The following TBX15 variants were observed in gnomAD, a reference collection of about 807,000 sequenced individuals.
The protein encoded by TBX15 is T-box transcription factor TBX15.
TBX15 carries 18 observed loss-of-function variants against 53.9 expected under a neutral mutation model. That is an observed-to-expected ratio of 0.33 (90% CI 0.23 to 0.49). The LOEUF (loss-of-function observed/expected upper bound fraction) is 0.49. TBX15 is among the 20% of genes least tolerant of loss of function. The pLI, the probability that TBX15 is intolerant of heterozygous loss-of-function variation, is 0.98. For synonymous variants in TBX15, 295 were observed against 278.0 expected, an observed-to-expected ratio of 1.06 and a Z score of -0.61; for missense variants, 692 against 749.5, an observed-to-expected ratio of 0.92 and a Z score of 0.90.
intron 1 of TBX15, among the ~76,000 whole-genome samples, chr1:118,969,545 T>C (rs1657164316): frequency 6.6e-6 from 1 of 152,188 alleles, no homozygotes. Flanking sequence ...CAGATCTTGG[T>C]GAGTCATCTT....
intron 1 of TBX15, among the ~76,000 whole-genome samples, chr1:118,977,366 G>A (rs750001893): frequency 1.6e-4 from 25 of 151,946 alleles, no homozygotes; most frequent in African/African-American, 5.6e-4. Context: ...GTTTCTTATC[G>A]TTGTTCTTAT....
Position 118,988,032 on chromosome 1 carries a change from C to G in TBX15, c.-237G>C. The G allele has an allele frequency of 1.7e-6, 1 of 591,912 alleles. No homozygotes were observed. The highest frequency in any genetic ancestry group is 4.6e-4 in the Middle Eastern group (1 of 2,178). The allele number at this position is 591,912 out of a possible 1,614,324, so 36.7% of individuals were successfully genotyped here. ...AGCTGCTAGGAACTAGCGCCCCGAG[C>G]GCCGCCCGCTCGCTGCATGAGCGCC... On this transcript the variant is annotated 5_prime_UTR_variant, in exon 1 of 8. Transcript: ENST00000369429.
At chr1:118,903,343 A>C (rs1382133950) in intron 6 of TBX15, among the ~76,000 whole-genome samples, 2 of 152,176 alleles carry the variant, frequency 1.3e-5, no homozygotes, top group African/African-American at 4.8e-5. Context: ...AGAAAAAAAC[A>C]TCCTTGCAAC....
At chr1:118,924,509 A>ATGCT in intron 4 of TBX15, 137 bp downstream of exon 4, 1 of 1,019,262 alleles carries the variant, frequency 9.8e-7, no homozygotes, top group Non-Finnish European at 1.5e-6. Context: ...AAACACTTTT[A>ATGCT]TGCTTACTTA....
intron 1 of TBX15, among the ~76,000 whole-genome samples, chr1:118,986,737 C>T (rs942795623): frequency 6.6e-6 from 1 of 152,190 alleles, no homozygotes; most frequent in Non-Finnish European, 1.5e-5. Flanking sequence ...CTTCTGAAAC[C>T]GCTAAACCAA....
chr1:118,939,442 A>AAAAC (rs1656090809), intron 1 of TBX15, among the ~76,000 whole-genome samples: 2 of 140,854 alleles, frequency 1.4e-5, no homozygotes, highest in Non-Finnish European at 3.1e-5. Context: ...AAAAACAAAA[A>AAAAC]CAGGAACAGA....
chr1:118,952,195 T>C (rs1656537169), intron 1 of TBX15, among the ~76,000 whole-genome samples: 2 of 152,214 alleles, frequency 1.3e-5, no homozygotes, highest in African/African-American at 4.8e-5. Flanking sequence ...CATTTTCTTC[T>C]CTCTAGCTTA....
intron 7 of TBX15, among the ~76,000 whole-genome samples, chr1:118,889,392 T>G (rs1654059108): frequency 6.6e-6 from 1 of 152,180 alleles, no homozygotes; most frequent in Admixed American, 6.5e-5. Context: ...TTTACAACAC[T>G]TGGCTGACTA....
chr1:118,911,184 C>A (rs1427316734), intron 6 of TBX15, among the ~76,000 whole-genome samples: 5 of 151,484 alleles, frequency 3.3e-5, no homozygotes, highest in Admixed American at 1.3e-4. Context: ...AACTGCCTAA[C>A]CTCTCTGAGC....
intron 1 of TBX15, among the ~76,000 whole-genome samples, chr1:118,983,321 A>G (rs1657705893): frequency 6.6e-6 from 1 of 152,166 alleles, no homozygotes; most frequent in Non-Finnish European, 1.5e-5. Flanking sequence ...TTGGGTGGGA[A>G]CAGGTTACAA....
intron 1 of TBX15, among the ~76,000 whole-genome samples, chr1:118,942,256 A>C (rs549133324): frequency 2.6e-5 from 4 of 152,232 alleles, no homozygotes; most frequent in African/African-American, 9.6e-5. Flanking sequence ...ATGTATTTAG[A>C]GGGCAGCAAT....
intron 1 of TBX15, among the ~76,000 whole-genome samples, chr1:118,935,495 A>G (rs544752776): frequency 6.6e-6 from 1 of 152,322 alleles, no homozygotes; most frequent in African/African-American, 2.4e-5. Context: ...TTTCAACAGA[A>G]GAAGTTTAAG....
At chr1:118,945,313 C>CA (rs1656312972) in intron 1 of TBX15, among the ~76,000 whole-genome samples, 1 of 152,058 alleles carries the variant, frequency 6.6e-6, no homozygotes, top group Non-Finnish European at 1.5e-5. Context: ...ACAGTCCCCC[C>CA]AAAATTGTAA....
intron 1 of TBX15, among the ~76,000 whole-genome samples, chr1:118,964,510 G>A (rs1373978830): frequency 1.3e-5 from 2 of 152,196 alleles, no homozygotes. Context: ...CCCAGCCTAA[G>A]CTCATAACCA....
intron 7 of TBX15, chr1:118,891,089 A>T: frequency 3.1e-6 from 1 of 323,254 alleles, no homozygotes; most frequent in Non-Finnish European, 5.5e-6. Flanking sequence ...TACTTAGTTG[A>T]GATGAGTACC....
At chr1:118,980,071 T>C (rs1204223481) in intron 1 of TBX15, among the ~76,000 whole-genome samples, 1 of 152,134 alleles carries the variant, frequency 6.6e-6, no homozygotes, top group Non-Finnish European at 1.5e-5. Flanking sequence ...CAGAGATGGG[T>C]TGAAGAGAAG....
At chr1:118,954,252 G>A (rs189818365) in intron 1 of TBX15, among the ~76,000 whole-genome samples, 4 of 152,324 alleles carry the variant, frequency 2.6e-5, no homozygotes, top group Admixed American at 2.6e-4. Flanking sequence ...AGCTTGGAGT[G>A]GGTGGCATAT....
At chr1:118,923,340 G>T in intron 5 of TBX15, 96 bp downstream of exon 5, 1 of 1,495,314 alleles carries the variant, frequency 6.7e-7, no homozygotes, top group Non-Finnish European at 9.2e-7. Flanking sequence ...GTTGTTGTAT[G>T]TCAAATTCCC....
intron 4 of TBX15, among the ~76,000 whole-genome samples, 182 bp downstream of exon 4, chr1:118,924,464 G>A (rs541353660): frequency 7.9e-5 from 12 of 152,150 alleles, no homozygotes; most frequent in Non-Finnish European, 1.5e-4. Context: ...TTTGCTAAAT[G>A]TTAGATTTGT....
Sources: gnomAD v4.1 joint callset for allele counts (sites outside exome capture counted in the v4.1 genomes callset) on GRCh38, gnomAD v4.1.1 for gene constraint, MANE v1.5 for transcripts, NCBI Gene and HGNC (gene_info 2026-07-23, HGNC 2026-07-21) for gene names.